The following ARID5B variants were observed in gnomAD, a reference collection of about 807,000 sequenced individuals.
ARID5B encodes the protein AT-rich interaction domain 5B, also known as AT-rich interactive domain-containing protein 5B.
Under a neutral mutation model 97.2 loss-of-function variants are expected in ARID5B, and 13 were observed. That is an observed-to-expected ratio of 0.13 (90% CI 0.09 to 0.21). ARID5B has a LOEUF of 0.21. Among genes scored for constraint, ARID5B ranks in the 10% least tolerant of loss-of-function variants. The pLI, the probability that ARID5B is intolerant of heterozygous loss-of-function variation, is 1.00. For missense variants in ARID5B, 1,210 were observed against 1,465.3 expected, an observed-to-expected ratio of 0.83 and a Z score of 2.84; for synonymous variants, 556 against 570.3, an observed-to-expected ratio of 0.97 and a Z score of 0.36.
intron 3 of ARID5B, among the ~76,000 whole-genome samples, chr10:61,995,039 A>C (rs9971170): frequency 0.05 from 7,605 of 152,288 alleles, 244 homozygotes; most frequent in East Asian, 0.14. Flanking sequence ...CTAGCAATTT[A>C]TTACAGATCA....
intron 3 of ARID5B, among the ~76,000 whole-genome samples, chr10:61,971,166 C>T (rs1223615819): frequency 1.3e-5 from 2 of 152,134 alleles, no homozygotes; most frequent in African/African-American, 4.8e-5. Flanking sequence ...AGCTCTGAAC[C>T]TCATTTGTAG....
chr10:61,907,299 T>C (rs1843723595), intron 2 of ARID5B, among the ~76,000 whole-genome samples: 2 of 152,252 alleles, frequency 1.3e-5, no homozygotes, highest in South Asian at 4.1e-4. Flanking sequence ...TTCTGGAATT[T>C]AGAAGGTGCT....
At chr10:61,917,395 C>T (rs188832976) in intron 2 of ARID5B, among the ~76,000 whole-genome samples, 66 of 152,140 alleles carry the variant, frequency 4.3e-4, no homozygotes, top group African/African-American at 1.5e-3. Flanking sequence ...GATGCCATCT[C>T]GGCTCACTGC....
intron 2 of ARID5B, among the ~76,000 whole-genome samples, chr10:61,924,529 T>C (rs1424975073): frequency 6.6e-6 from 1 of 152,216 alleles, no homozygotes; most frequent in Non-Finnish European, 1.5e-5. Context: ...GGGTCTCAAA[T>C]TATCCCACTG....
At chr10:62,026,336 A>G (rs982882831) in intron 4 of ARID5B, among the ~76,000 whole-genome samples, 3 of 152,174 alleles carry the variant, frequency 2.0e-5, no homozygotes, top group Non-Finnish European at 2.9e-5. Context: ...GTGCTCATTT[A>G]TTTATGTGTC....
intron 2 of ARID5B, among the ~76,000 whole-genome samples, chr10:61,921,335 C>A (rs1264853315): frequency 6.6e-6 from 1 of 152,182 alleles, no homozygotes; most frequent in African/African-American, 2.4e-5. Context: ...CCAGCTGTGG[C>A]CATCTGAAAG....
chr10:61,981,030 T>A (rs936642871), intron 3 of ARID5B, among the ~76,000 whole-genome samples: 6 of 152,238 alleles, frequency 3.9e-5, no homozygotes, highest in African/African-American at 1.4e-4. Context: ...TGGCTATGAC[T>A]GTGGGCTTTG....
intron 3 of ARID5B, among the ~76,000 whole-genome samples, chr10:61,964,712 G>A (rs1838519167): frequency 6.6e-6 from 1 of 152,186 alleles, no homozygotes; most frequent in African/African-American, 2.4e-5. Flanking sequence ...AATTTGTGAG[G>A]CAATGGTGCT....
At chr10:62,014,431 T>C (rs1839257665) in intron 4 of ARID5B, among the ~76,000 whole-genome samples, 1 of 152,154 alleles carries the variant, frequency 6.6e-6, no homozygotes, top group Admixed American at 6.5e-5. Context: ...TGGTAAGAAG[T>C]AGCGGCTGAA....
chr10:61,958,146 G>A (rs906299250), intron 3 of ARID5B, among the ~76,000 whole-genome samples: 2 of 151,656 alleles, frequency 1.3e-5, no homozygotes, highest in Admixed American at 6.5e-5. Flanking sequence ...ATGGATGAAG[G>A]CGTAAGCAGT....
intron 3 of ARID5B, among the ~76,000 whole-genome samples, chr10:61,998,716 A>G (rs1330923455): frequency 1.3e-5 from 2 of 152,344 alleles, no homozygotes; most frequent in Non-Finnish European, 2.9e-5. Flanking sequence ...GAGTCCTCCC[A>G]GCATGGTTCT....
chr10:62,017,452 G>GA (rs909775803), intron 4 of ARID5B, among the ~76,000 whole-genome samples: 22 of 143,836 alleles, frequency 1.5e-4, no homozygotes, highest in African/African-American at 2.3e-4. Context: ...ACCCCGTCTC[G>GA]AAAAAAAAAA....
At chr10:62,017,011 G>A (rs1452081914) in intron 4 of ARID5B, among the ~76,000 whole-genome samples, 1 of 152,146 alleles carries the variant, frequency 6.6e-6, no homozygotes, top group Non-Finnish European at 1.5e-5. Flanking sequence ...CCTCTGAGCA[G>A]AGAGAGTGAA....
chr10:62,081,801 AT>A (rs1840217127), intron 8 of ARID5B, among the ~76,000 whole-genome samples: 1 of 152,174 alleles, frequency 6.6e-6, no homozygotes, highest in South Asian at 2.1e-4. Flanking sequence ...AATGTATTGA[AT>A]TTTTCATAAT....
intron 4 of ARID5B, among the ~76,000 whole-genome samples, chr10:62,005,012 T>C (rs1839128306): frequency 6.6e-6 from 1 of 152,236 alleles, no homozygotes; most frequent in Admixed American, 6.5e-5. Context: ...GAGGTTTGAA[T>C]TGCAAAGAAG....
chr10:62,075,711 C>A (rs993061906), intron 8 of ARID5B, among the ~76,000 whole-genome samples: 4 of 152,212 alleles, frequency 2.6e-5, no homozygotes, highest in Non-Finnish European at 5.9e-5. Flanking sequence ...TGCTCTCATG[C>A]AGGCGCCTCC....
intron 4 of ARID5B, among the ~76,000 whole-genome samples, chr10:62,040,339 TTATA>T (rs10569468): frequency 4.6e-5 from 7 of 151,124 alleles, no homozygotes; most frequent in Non-Finnish European, 5.9e-5. Flanking sequence ...TATTATAACA[TTATA>T]TATATATATA....
chr10:61,976,028 C>G (rs1336963595), intron 3 of ARID5B, among the ~76,000 whole-genome samples: 1 of 152,318 alleles, frequency 6.6e-6, no homozygotes, highest in East Asian at 1.9e-4. Flanking sequence ...ACATGTCAGA[C>G]AGGGCCTGGG....
intron 2 of ARID5B, among the ~76,000 whole-genome samples, chr10:61,916,322 G>A (rs1436202065): frequency 4.6e-5 from 7 of 152,270 alleles, no homozygotes; most frequent in South Asian, 2.1e-4. Flanking sequence ...CCATGCCCAC[G>A]TTTACAAATG....
Sources: gnomAD v4.1 joint callset for allele counts (sites outside exome capture counted in the v4.1 genomes callset) on GRCh38, gnomAD v4.1.1 for gene constraint, MANE v1.5 for transcripts, NCBI Gene and HGNC (gene_info 2026-07-23, HGNC 2026-07-21) for gene names.